Variants in PCDHA1 observed in about 807,000 individuals in gnomAD.
The protein encoded by PCDHA1 is protocadherin alpha 1.
Under a neutral mutation model 61.3 loss-of-function variants are expected in PCDHA1, and 42 were observed. The observed-to-expected ratio is 0.69, with a 90% confidence interval of 0.54 to 0.89. The LOEUF is 0.89. Ranked by LOEUF, PCDHA1 falls within the 40% of genes least tolerant of loss-of-function variation. The pLI is 0.00. For missense variants in PCDHA1, 1,256 were observed against 1,235.3 expected, an observed-to-expected ratio of 1.02 and a Z score of -0.25; for synonymous variants, 610 against 553.8, an observed-to-expected ratio of 1.10 and a Z score of -1.43.
intron 1 of PCDHA1, chr5:140,876,947 A>C: frequency 6.2e-7 from 1 of 1,613,496 alleles, no homozygotes; most frequent in Non-Finnish European, 8.5e-7. Flanking sequence ...CTGGTGTCCT[A>C]CTCGCTGGTG....
At chr5:140,937,507 C>G (rs1427417860) in intron 1 of PCDHA1, among the ~76,000 whole-genome samples, 1 of 152,106 alleles carries the variant, frequency 6.6e-6, no homozygotes, top group Non-Finnish European at 1.5e-5. Context: ...ATCCCAGCTA[C>G]TCAGGAGGCT....
chr5:140,868,431 G>T (rs1319024879), intron 1 of PCDHA1: 2 of 152,206 alleles, frequency 1.3e-5, no homozygotes, highest in Non-Finnish European at 2.9e-5. Flanking sequence ...GATGAGAATA[G>T]ATCATGTGGA....
chr5:140,839,720 A>G (rs1398284509), intron 1 of PCDHA1, among the ~76,000 whole-genome samples: 1 of 152,072 alleles, frequency 6.6e-6, no homozygotes, highest in Admixed American at 6.6e-5. Context: ...AATTTAAATC[A>G]TTTCACAGAA....
chr5:140,803,013 T>C (rs1554122523), intron 1 of PCDHA1: 3 of 1,614,030 alleles, frequency 1.9e-6, no homozygotes. Flanking sequence ...CTACAACGCG[T>C]GGCTTTCGTA....
chr5:140,801,735 T>C (rs371671577), intron 1 of PCDHA1: 15 of 1,613,984 alleles, frequency 9.3e-6, no homozygotes, highest in African/African-American at 2.7e-5. Flanking sequence ...ATATTTTACC[T>C]TGGACGTTAA....
chr5:140,933,429 G>A (rs2089147163), intron 1 of PCDHA1, among the ~76,000 whole-genome samples: 1 of 151,830 alleles, frequency 6.6e-6, no homozygotes, highest in South Asian at 2.1e-4. Flanking sequence ...GTTCATAGGG[G>A]CACTCTAATG....
At chr5:140,856,280 C>T in intron 1 of PCDHA1, 1 of 1,598,442 alleles carries the variant, frequency 6.3e-7, no homozygotes, top group Non-Finnish European at 8.6e-7. Context: ...GGAGGTAAAT[C>T]TGCAGAATGG....
At chr5:140,802,372 A>G (rs782096760) in intron 1 of PCDHA1, 7 of 1,614,222 alleles carry the variant, frequency 4.3e-6, no homozygotes, top group Non-Finnish European at 5.9e-6. Flanking sequence ...CTGACGCCCC[A>G]CGTCCCCTTC....
At chr5:140,942,546 TA>T (rs1380022033) in intron 1 of PCDHA1, among the ~76,000 whole-genome samples, 4 of 150,044 alleles carry the variant, frequency 2.7e-5, no homozygotes, top group African/African-American at 9.8e-5. Flanking sequence ...TGGTGGGGGG[TA>T]GGGGGTTGAG....
In PCDHA1 at chr5:141,009,849, C is replaced by G; in HGVS notation, c.2765C>G (p.Thr922Ser). The change falls in exon 4 of 4, where the codon ACC (threonine) becomes AGC (serine). Residue 922 changes from threonine (T) to serine (S), a missense_variant. Physicochemically the swap from Thr to Ser is moderately conservative, Grantham distance 58. Coordinates refer to ENST00000504120, the MANE Select transcript of PCDHA1 (RefSeq NM_018900.4). ...ATAACCTTCGGCAAAAAGGAGGAGA[C>G]CAAGAAAAAGAAGAAAAAGAAGAAG... ...DFITFGKKEE[T>S]KKKKKKKKGN... 1 of 1,613,364 alleles carries G rather than the reference C, an allele frequency of 6.2e-7. No homozygotes were observed. The highest frequency in any genetic ancestry group is 8.5e-7 in the Non-Finnish European group (1 of 1,179,856).
chr5:140,857,925 A>T (rs1291686886), intron 1 of PCDHA1: 2 of 1,597,686 alleles, frequency 1.3e-6, no homozygotes, highest in Non-Finnish European at 1.7e-6. Flanking sequence ...GTGGGGCTGT[A>T]CACGGGCGAG....
intron 1 of PCDHA1, chr5:140,803,789 T>C: frequency 1.2e-6 from 1 of 835,778 alleles, no homozygotes. Flanking sequence ...TAAGTTATGA[T>C]ATCCACACTT....
chr5:140,801,847 G>A (rs1762798668), intron 1 of PCDHA1: 1 of 1,614,086 alleles, frequency 6.2e-7, no homozygotes, highest in Middle Eastern at 1.6e-4. Flanking sequence ...GCAATTGATG[G>A]TGGGAAACCA....
chr5:140,809,031 C>T, intron 1 of PCDHA1: 1 of 1,613,858 alleles, frequency 6.2e-7, no homozygotes. Flanking sequence ...CAGCCGGGGA[C>T]TGGTGGCGCG....
chr5:140,914,288 T>C (rs2076666061), intron 1 of PCDHA1, among the ~76,000 whole-genome samples: 1 of 152,210 alleles, frequency 6.6e-6, no homozygotes, highest in African/African-American at 2.4e-5. Flanking sequence ...ATAATTGTTA[T>C]ATCCTCTTGC....
At chr5:140,970,911 T>C (rs1003828575) in intron 1 of PCDHA1, among the ~76,000 whole-genome samples, 2 of 152,194 alleles carry the variant, frequency 1.3e-5, no homozygotes, top group East Asian at 3.9e-4. Context: ...ATTTATTCAT[T>C]TATCAGAAGT....
chr5:140,791,370 A>G (rs1361234045), intron 1 of PCDHA1, among the ~76,000 whole-genome samples: 2 of 152,256 alleles, frequency 1.3e-5, no homozygotes, highest in African/African-American at 4.8e-5. Flanking sequence ...ATACTGAGAC[A>G]CCATAAAGTC....
At chr5:140,982,845 C>A (rs1436674965) in intron 3 of PCDHA1, among the ~76,000 whole-genome samples, 1 of 151,978 alleles carries the variant, frequency 6.6e-6, no homozygotes, top group Non-Finnish European at 1.5e-5. Flanking sequence ...TTGTTTAAAT[C>A]AGGTACCTTT....
In PCDHA1 at chr5:140,863,566, A is replaced by G. The variant is rs1390955253; in HGVS notation, c.2394+74882A>G. The G allele has an allele frequency of 2.9e-5, 11 of 373,988 alleles. No individual in the cohort carries two copies. In the East Asian group the frequency reaches 4.0e-4, roughly 13 times the overall value. The allele number at this position is 373,988 out of a possible 1,614,324, so 23.2% of individuals were successfully genotyped here. A position where few individuals can be genotyped will look rare whatever the true frequency, so the allele number is the denominator to read the frequency against. On this transcript the variant is annotated intron_variant, in intron 1 of 3. Transcript: ENST00000504120. Reference sequence around the variant, plus strand: ...ACTTCAATAGGAAATTTTTGAGAATATAAGTACTGTAATCCTGGAAAGTAT... The same window carrying G: ...ACTTCAATAGGAAATTTTTGAGAATGTAAGTACTGTAATCCTGGAAAGTAT...
Sources: gnomAD v4.1 joint callset for allele counts (sites outside exome capture counted in the v4.1 genomes callset) on GRCh38, gnomAD v4.1.1 for gene constraint, MANE v1.5 for transcripts, NCBI Gene and HGNC (gene_info 2026-07-23, HGNC 2026-07-21) for gene names.